The following EPB41L4A variants were observed in gnomAD, a reference collection of about 807,000 sequenced individuals.
EPB41L4A encodes erythrocyte membrane protein band 4.1 like 4A.
A neutral mutation model predicts 108.6 loss-of-function variants in EPB41L4A; 100 were observed. That is an observed-to-expected ratio of 0.92 (90% confidence interval 0.78 to 1.09). EPB41L4A has a LOEUF of 1.09. Ranked by LOEUF, EPB41L4A falls within the 50% of genes least tolerant of loss-of-function variation. The pLI, the probability that EPB41L4A is intolerant of heterozygous loss-of-function variation, is 0.00. For missense variants in EPB41L4A, 1,030 were observed against 842.7 expected, an observed-to-expected ratio of 1.22 and a Z score of -2.75; for synonymous variants, 319 against 289.0, an observed-to-expected ratio of 1.10 and a Z score of -1.05.
At chr5:112,255,726 C>A (rs1183738163) in intron 9 of EPB41L4A, among the ~76,000 whole-genome samples, 1 of 152,148 alleles carries the variant, frequency 6.6e-6, no homozygotes, top group Non-Finnish European at 1.5e-5. Flanking sequence ...CAAAAAGTAG[C>A]AGATGCCAAT....
intron 9 of EPB41L4A, among the ~76,000 whole-genome samples, chr5:112,243,604 G>C (rs1409598419): frequency 6.6e-6 from 1 of 152,146 alleles, no homozygotes; most frequent in East Asian, 1.9e-4. Context: ...CTGTTGTTTA[G>C]TGTAGCCACT....
chr5:112,239,596 T>C lies in EPB41L4A; in HGVS notation c.965+64A>G, dbSNP rs74899050. ...TAAATAAATAACTTCACTGAGCATG[T>C]ATGACAGCTGAATTAAGTATTTATT... On this transcript the variant is annotated intron_variant, in intron 11 of 22. Transcript: ENST00000261486. 2,762 of 1,019,088 alleles carry C rather than the reference T, an allele frequency of 2.7e-3. 48 individuals carry two copies. In the African/African-American group the frequency reaches 0.039, roughly 14 times the overall value. The allele number at this position is 1,019,088 out of a possible 1,614,324, so 63.1% of individuals were successfully genotyped here. A position where few individuals can be genotyped will look rare whatever the true frequency, so the allele number is the denominator to read the frequency against.
chr5:112,386,828 T>C (rs1300792680), intron 1 of EPB41L4A, among the ~76,000 whole-genome samples: 1 of 152,138 alleles, frequency 6.6e-6, no homozygotes, highest in Admixed American at 6.5e-5. Context: ...GAATAGAAAG[T>C]GATTCTCCAG....
rs531631032 is a variant in EPB41L4A at position 112,336,271 on chromosome 5, C to G, written c.100-28781G>C. On this transcript the variant is annotated intron_variant, in intron 1 of 22. Coordinates refer to ENST00000261486, the MANE Select transcript of EPB41L4A (RefSeq NM_022140.5). ...GGGGAGGGGGCAGTGGAAATTGAAC[C>G]TGCATCGACTTGTTTGAGAAAGTGC... Among the ~76,000 whole-genome samples the G allele has an allele frequency of 2.8e-3, 428 of 152,208 alleles. 2 individuals carry two copies. The highest frequency in any genetic ancestry group is 4.9e-3 in the Non-Finnish European group (334 of 68,006).
intron 12 of EPB41L4A, among the ~76,000 whole-genome samples, chr5:112,216,921 G>A (rs541831591): frequency 1.6e-4 from 25 of 151,918 alleles, no homozygotes; most frequent in African/African-American, 5.3e-4. Context: ...CACAAATTAC[G>A]GCCAAATAGC....
exon 13 of EPB41L4A, chr5:112,145,903 A>T (rs56071312): frequency 0.16 from 72,960 of 456,548 alleles, 6,542 homozygotes; most frequent in African/African-American, 0.29. Context: ...ATATCACTTC[A>T]TCCAGAAGTG....
intron 13 of EPB41L4A, among the ~76,000 whole-genome samples, chr5:112,209,589 T>C (rs1657737357): frequency 6.6e-6 from 1 of 152,278 alleles, no homozygotes; most frequent in South Asian, 2.1e-4. Context: ...TAGTCCATTA[T>C]ATCATGCCAT....
At chr5:112,268,680 A>G (rs1001740271) in intron 4 of EPB41L4A, among the ~76,000 whole-genome samples, 4 of 151,708 alleles carry the variant, frequency 2.6e-5, no homozygotes, top group African/African-American at 9.7e-5. Flanking sequence ...TGATAACCCC[A>G]TCTCTACAAA....
intron 2 of EPB41L4A, among the ~76,000 whole-genome samples, chr5:112,294,429 T>C (rs149422864): frequency 0.015 from 2,289 of 152,222 alleles, 29 homozygotes; most frequent in Non-Finnish European, 0.022. Context: ...AAGTGGTGAA[T>C]AGGATTCAAT....
chr5:112,373,258 A>C (rs1759608564), intron 1 of EPB41L4A, among the ~76,000 whole-genome samples: 1 of 152,186 alleles, frequency 6.6e-6, no homozygotes, highest in African/African-American at 2.4e-5. Context: ...AGACCCCAGA[A>C]GGGTTAAGAG....
chr5:112,321,783 A>C (rs567302977), intron 1 of EPB41L4A, among the ~76,000 whole-genome samples: 2 of 152,352 alleles, frequency 1.3e-5, no homozygotes, highest in African/African-American at 4.8e-5. Context: ...GTTCCAATGC[A>C]TAGGTGTATT....
At chr5:112,158,179 T>C (rs1759715730), downstream of EPB41L4A, among the ~76,000 whole-genome samples, 1 of 152,168 alleles carries the variant, frequency 6.6e-6, no homozygotes, top group Non-Finnish European at 1.5e-5. Flanking sequence ...GTGGGAGCAA[T>C]AATGTAAAGC....
intron 12 of EPB41L4A, among the ~76,000 whole-genome samples, chr5:112,155,228 T>A (rs1305023942): frequency 6.6e-6 from 1 of 152,172 alleles, no homozygotes; most frequent in East Asian, 1.9e-4. Context: ...AGATTTATAT[T>A]TTCCCAGAAG....
chr5:112,386,348 C>T (rs958446837), intron 1 of EPB41L4A, among the ~76,000 whole-genome samples: 3 of 152,110 alleles, frequency 2.0e-5, no homozygotes, highest in Non-Finnish European at 4.4e-5. Context: ...GGACATCAAA[C>T]CTTCATTAAT....
chr5:112,296,822 T>C (rs1754015885), intron 2 of EPB41L4A, among the ~76,000 whole-genome samples: 1 of 152,076 alleles, frequency 6.6e-6, no homozygotes, highest in South Asian at 2.1e-4. Flanking sequence ...TGCATCCTCA[T>C]AGCTTAGCCC....
intron 1 of EPB41L4A, among the ~76,000 whole-genome samples, 161 bp from the exon 2 acceptor site, chr5:112,307,651 A>C (rs1371158033): frequency 6.6e-6 from 1 of 152,184 alleles, no homozygotes; most frequent in Non-Finnish European, 1.5e-5. Flanking sequence ...GAAGAAAAAA[A>C]CGTGATTTAA....
At chr5:112,408,062 T>C (rs1762176812) in intron 1 of EPB41L4A, among the ~76,000 whole-genome samples, 1 of 152,216 alleles carries the variant, frequency 6.6e-6, no homozygotes, top group South Asian at 2.1e-4. Flanking sequence ...AAGATAGTCA[T>C]GTAGATCAAT....
intron 1 of EPB41L4A, among the ~76,000 whole-genome samples, chr5:112,340,829 A>T (rs1757270102): frequency 6.6e-6 from 1 of 152,196 alleles, no homozygotes. Flanking sequence ...GCAAGCCCAA[A>T]ACATTCACTC....
chr5:112,173,185 G>A (rs1760680886), intron 18 of EPB41L4A, among the ~76,000 whole-genome samples: 1 of 152,202 alleles, frequency 6.6e-6, no homozygotes, highest in Non-Finnish European at 1.5e-5. Flanking sequence ...CAGTACAGCA[G>A]AACCTAAATC....
Sources: allele counts gnomAD v4.1 joint callset (sites outside exome capture counted in the v4.1 genomes callset), GRCh38; gene constraint gnomAD v4.1.1; transcripts MANE v1.5; gene names NCBI Gene and HGNC (gene_info 2026-07-23, HGNC 2026-07-21).